CCSER1: variants seen among roughly 807,000 people sequenced by gnomAD.
CCSER1 encodes coiled-coil serine rich protein 1.
A neutral mutation model predicts 82.0 loss-of-function variants in CCSER1; 41 were observed. The ratio of observed to expected loss-of-function variants is 0.50; its 90% CI spans 0.39 to 0.65. The LOEUF is 0.65. CCSER1 is among the 30% of genes least tolerant of loss of function. CCSER1 has a pLI of 0.00. For missense variants in CCSER1, 1,119 were observed against 1,064.2 expected (o/e 1.05, Z -0.72); for synonymous variants, 414 against 383.9 (o/e 1.08, Z -0.92).
chr4:91,285,459 A>G (rs1431236193), intron 10 of CCSER1, among the ~76,000 whole-genome samples: 1 of 151,916 alleles, frequency 6.6e-6, no homozygotes, highest in Non-Finnish European at 1.5e-5. Flanking sequence ...TTTGAATTAA[A>G]CTTACCTTTT....
chr4:90,578,783 T>C (rs141430904), intron 5 of CCSER1, among the ~76,000 whole-genome samples: 99 of 152,274 alleles, frequency 6.5e-4, no homozygotes, highest in African/African-American at 1.8e-3. Context: ...AATCCTGATA[T>C]AGACTATCAA....
At chr4:90,739,288 C>T (rs1746149771) in intron 7 of CCSER1, among the ~76,000 whole-genome samples, 1 of 152,194 alleles carries the variant, frequency 6.6e-6, no homozygotes, top group South Asian at 2.1e-4. Flanking sequence ...AAAGGGGGGC[C>T]TCAGGTCTCT....
intron 10 of CCSER1, among the ~76,000 whole-genome samples, chr4:91,498,379 T>G (rs1255612254): frequency 6.6e-6 from 1 of 151,860 alleles, no homozygotes; most frequent in Non-Finnish European, 1.5e-5. Context: ...CCCTTTATAT[T>G]TACTCTAATA....
intron 10 of CCSER1, among the ~76,000 whole-genome samples, chr4:91,586,794 G>A (rs1459548697): frequency 1.3e-5 from 2 of 151,550 alleles, no homozygotes. Context: ...ATACGATATT[G>A]TTGTTTTAGT....
chr4:91,534,860 G>A (rs1043041415), intron 10 of CCSER1, among the ~76,000 whole-genome samples: 3 of 151,774 alleles, frequency 2.0e-5, no homozygotes, highest in Non-Finnish European at 4.4e-5. Flanking sequence ...ATGAAAGACT[G>A]AAATAATGAA....
intron 8 of CCSER1, among the ~76,000 whole-genome samples, chr4:90,821,798 T>G (rs1429874399): frequency 6.6e-6 from 1 of 152,272 alleles, no homozygotes; most frequent in East Asian, 1.9e-4. Flanking sequence ...TTTGTGAAGG[T>G]TATGTTGAAG....
intron 8 of CCSER1, among the ~76,000 whole-genome samples, chr4:90,911,932 A>AG (rs1726450838): frequency 6.6e-6 from 1 of 152,014 alleles, no homozygotes; most frequent in South Asian, 2.1e-4. Context: ...AGGCTGGGGG[A>AG]GGGGCGCCCG....
Position 90,593,626 on chromosome 4 carries a change from G to A in CCSER1, c.1725-34399G>A, listed in dbSNP as rs1270290551. 1.8e-4 allele frequency among the ~76,000 whole-genome samples: 27 copies of A among 152,064 alleles called. No individual in the cohort carries two copies. The East Asian group carries it at 4.1e-3, about 23-fold the overall frequency. Reference sequence around the variant, plus strand: ...CCTCCAGGTTCTATTCTCCTGCCTCGATAGAGGCTCTTTAAATTCACGAAA... The same window carrying A: ...CCTCCAGGTTCTATTCTCCTGCCTCAATAGAGGCTCTTTAAATTCACGAAA... On this transcript the variant is annotated intron_variant, in intron 5 of 10. Coordinates refer to ENST00000509176, the MANE Select transcript of CCSER1 (RefSeq NM_001145065.2).
chr4:91,330,048 T>G (rs1746838933), intron 10 of CCSER1, among the ~76,000 whole-genome samples: 1 of 152,140 alleles, frequency 6.6e-6, no homozygotes, highest in Admixed American at 6.5e-5. Context: ...CTTCTTATTT[T>G]GAGTTTCTAC....
intron 5 of CCSER1, among the ~76,000 whole-genome samples, chr4:90,482,223 T>C (rs528048667): frequency 1.3e-5 from 2 of 152,254 alleles, no homozygotes; most frequent in Non-Finnish European, 2.9e-5. Context: ...TGATATCCCC[T>C]TTTTCATTTT....
At chr4:91,360,074 G>A (rs948852791) in intron 10 of CCSER1, among the ~76,000 whole-genome samples, 33 of 151,792 alleles carry the variant, frequency 2.2e-4, no homozygotes, top group African/African-American at 7.2e-4. Flanking sequence ...TTTTAAGGGG[G>A]GAAATAACAT....
At chr4:90,943,152 G>A (rs1222970963) in intron 9 of CCSER1, among the ~76,000 whole-genome samples, 7 of 151,856 alleles carry the variant, frequency 4.6e-5, no homozygotes, top group African/African-American at 1.5e-4. Context: ...CAAGATTTCT[G>A]ACCTGAGAAG....
intron 3 of CCSER1, among the ~76,000 whole-genome samples, chr4:90,389,811 T>A (rs1561148571): frequency 6.6e-6 from 1 of 152,212 alleles, no homozygotes; most frequent in Non-Finnish European, 1.5e-5. Flanking sequence ...AAGTATTTTT[T>A]AATTTCTAGT....
chr4:91,578,960 G>C (rs1406980184), intron 10 of CCSER1, among the ~76,000 whole-genome samples: 1 of 151,684 alleles, frequency 6.6e-6, no homozygotes, highest in Non-Finnish European at 1.5e-5. Context: ...ATACACATCA[G>C]AGAAATCACA....
chr4:90,662,055 G>A (rs1421200808), intron 6 of CCSER1, among the ~76,000 whole-genome samples: 1 of 149,464 alleles, frequency 6.7e-6, no homozygotes, highest in African/African-American at 2.5e-5. Context: ...CTGGAGTGCA[G>A]CAGCACAGTC....
At position 91,358,394 on chromosome 4, in the gene CCSER1, G is replaced by GT. The variant is rs138397342; in HGVS notation, c.2218-240162dup. ...GCTTACTTTGTGCCTGACCCACGTTGTTTTTTTTTTTTTTTTCCCGAGACA... is the reference window on the plus strand; with the variant it reads ...GCTTACTTTGTGCCTGACCCACGTTGTTTTTTTTTTTTTTTTTCCCGAGACA... On this transcript the variant is annotated intron_variant, in intron 10 of 10. Transcript: ENST00000509176. Among the ~76,000 whole-genome samples the GT allele has an allele frequency of 4.5e-3, 462 of 102,296 alleles. 9 individuals carry two copies. Among genetic ancestry groups the GT allele is most frequent in the Middle Eastern group, 0.021 (3 of 144 alleles). 67.1% of individuals were successfully genotyped at this position (102,296 alleles called of 152,430 possible). A position where few individuals can be genotyped will look rare whatever the true frequency, so the allele number is the denominator to read the frequency against.
chr4:90,225,800 T>C (rs1265616389), intron 1 of CCSER1, among the ~76,000 whole-genome samples: 15 of 152,218 alleles, frequency 9.9e-5, no homozygotes, highest in Admixed American at 9.8e-4. Flanking sequence ...TGCTACTGGT[T>C]TGATAACAGC....
intron 10 of CCSER1, among the ~76,000 whole-genome samples, chr4:91,285,300 G>A (rs1348395472): frequency 6.8e-6 from 1 of 147,076 alleles, no homozygotes; most frequent in Admixed American, 6.8e-5. Context: ...AAGTCCTTGT[G>A]CTATATGTTA....
Position 90,557,708 on chromosome 4 carries a change from C to T in CCSER1, c.1725-70317C>T, listed in dbSNP as rs1778297770. 2.0e-5 allele frequency among the ~76,000 whole-genome samples: 3 copies of T among 152,072 alleles called. No homozygotes were observed. In the South Asian group the frequency reaches 6.2e-4, roughly 31 times the overall value. Reference sequence around the variant, plus strand: ...CAAAATGTTTATCATTATTTCCCTTCTTGGAAGGACAGTCTAGCAAACTCT... The same window carrying T: ...CAAAATGTTTATCATTATTTCCCTTTTTGGAAGGACAGTCTAGCAAACTCT... On this transcript the variant is annotated intron_variant, in intron 5 of 10. Coordinates refer to ENST00000509176, the MANE Select transcript of CCSER1 (RefSeq NM_001145065.2).
Sources: allele counts gnomAD v4.1 joint callset (sites outside exome capture counted in the v4.1 genomes callset), GRCh38; gene constraint gnomAD v4.1.1; transcripts MANE v1.5; gene names NCBI Gene and HGNC (gene_info 2026-07-23, HGNC 2026-07-21).